The following BRME1 variants were observed in gnomAD, a reference collection of about 807,000 sequenced individuals.
BRME1 encodes break repair meiotic recombinase recruitment factor 1, also known as BRCA2 and MEILB2-associating protein 1.
In BRME1, 31 loss-of-function variants were observed where a neutral mutation model predicts 52.6. The observed-to-expected ratio is 0.59, with a 90% CI of 0.44 to 0.80. The LOEUF is 0.80. BRME1 is among the 30% of genes least tolerant of loss of function. The pLI is 0.00. For missense variants in BRME1, 804 were observed against 860.3 expected, an observed-to-expected ratio of 0.93 and a Z score of 0.82; for synonymous variants, 359 against 353.6, an observed-to-expected ratio of 1.02 and a Z score of -0.17.
chr19:13,892,438 T>C (rs146108331), intron 5 of BRME1, among the ~76,000 whole-genome samples: 3 of 151,678 alleles, frequency 2.0e-5, no homozygotes, highest in Non-Finnish European at 4.4e-5. Flanking sequence ...ATACAAAAAT[T>C]AGCTGGGCGC....
At chr19:13,899,736 C>T (rs1970168288) in intron 2 of BRME1, among the ~76,000 whole-genome samples, 1 of 152,162 alleles carries the variant, frequency 6.6e-6, no homozygotes, top group African/African-American at 2.4e-5. Flanking sequence ...TGCAGTGGCT[C>T]ATGCCTGTAA....
Position 13,883,416 on chromosome 19 carries a change from G to T in BRME1, c.1764-16C>A. The T allele has an allele frequency of 6.6e-7, 1 of 1,525,896 alleles. No individual in the cohort carries two copies. The highest frequency in any genetic ancestry group is 1.7e-4 in the Middle Eastern group (1 of 5,952). 94.5% of individuals were successfully genotyped at this position (1,525,896 alleles called of 1,614,324 possible). On this transcript the variant is annotated splice_polypyrimidine_tract_variant and intron_variant, in intron 7 of 8. Transcript: ENST00000586783. The surrounding 1 kb of genome is among the most constrained non-coding windows in gnomAD (Gnocchi z 4.2). Reference sequence around the variant, plus strand: ...CACGAAGGTCCTGGCCAGCAGGGAAGGAAATTGAGAGTGGCCCGACCTCAC... The same window carrying T: ...CACGAAGGTCCTGGCCAGCAGGGAATGAAATTGAGAGTGGCCCGACCTCAC...
In BRME1 at chr19:13,882,756, G is replaced by A. The variant is rs377538097; in HGVS notation, c.*46C>T. The stretch of plus-strand genomic sequence containing the variant: ...CTGGAGCATCTTGGAGGAGGTCTGC[G>A]GACATGGGGGCTGGGTGGCAAAGGA... On this transcript the variant is annotated 3_prime_UTR_variant, in exon 9 of 9. Transcript: ENST00000586783. 4.2e-4 allele frequency: 679 copies of A among 1,609,748 alleles called. 1 individual carries two copies. The highest frequency in any genetic ancestry group is 8.9e-4 in the East Asian group (40 of 44,872).
At chr19:13,900,432 C>G (rs1970219033) in intron 2 of BRME1, among the ~76,000 whole-genome samples, 1 of 152,288 alleles carries the variant, frequency 6.6e-6, no homozygotes, top group South Asian at 2.1e-4. Flanking sequence ...CAGCTTCCCC[C>G]TCCAAGGTCA....
chr19:13,899,139 C>A (rs551918012), intron 2 of BRME1, among the ~76,000 whole-genome samples: 99 of 128,746 alleles, frequency 7.7e-4, no homozygotes, highest in African/African-American at 3.0e-3. Flanking sequence ...GCTTCTAATT[C>A]TTCTTCTTCT....
At chr19:13,893,278 CCTGTAATTGCAGCA>C in intron 3 of BRME1, 55 bp from the exon 4 acceptor site, 1 of 1,465,616 alleles carries the variant, frequency 6.8e-7, no homozygotes, top group East Asian at 2.5e-5. Context: ...GTGGCTCACA[CCTGTAATTGCAGCA>C]CTTTGGGCGG....
At chr19:13,891,966 G>C (rs1379592201) in intron 5 of BRME1, among the ~76,000 whole-genome samples, 1 of 151,952 alleles carries the variant, frequency 6.6e-6, no homozygotes, top group East Asian at 2.0e-4. Flanking sequence ...CCAGCTACTG[G>C]GGAGGCTGAG....
Position 13,890,036 on chromosome 19 carries a change from C to G in BRME1, c.820G>C (p.Asp274His). 1 of 1,613,478 alleles carries G rather than the reference C, an allele frequency of 6.2e-7. No individual in the cohort carries two copies. The highest frequency in any genetic ancestry group is 1.1e-5 in the South Asian group (1 of 91,080). ...GLPGGPQEEG[D>H]GVPCTPASAP... is the part of the protein sequence containing the mutation. The stretch of plus-strand genomic sequence containing the variant: ...GATGCTGGGGTACAGGGGACACCGT[C>G]TCCCTCCTCCTGGGGCCCTCCAGGC... The change falls in exon 6 of 9, where the codon GAC (aspartate) becomes CAC (histidine). Residue 274 changes from aspartate to histidine, a missense_variant. By Grantham distance (81) the Asp-to-His change is moderately conservative (BLOSUM62 -1). Coordinates refer to ENST00000586783, the MANE Select transcript of BRME1 (RefSeq NM_001345843.2).
Position 13,897,722 on chromosome 19 carries a change from C to G in BRME1, c.32-2176G>C, listed in dbSNP as rs373606014. ...CTAAAAAGTACGAAAATTAGCCAAA[C>G]ATGGTGGTGCATGCCTGCAGTCCCA... On this transcript the variant is annotated intron_variant, in intron 2 of 8. Transcript: ENST00000586783. 3.6e-4 allele frequency among the ~76,000 whole-genome samples: 55 copies of G among 151,922 alleles called. 1 individual carries two copies. Among genetic ancestry groups the G allele is most frequent in the African/African-American group, 1.1e-3 (46 of 41,420 alleles).
Position 13,890,453 on chromosome 19 carries a change from C to T in BRME1, c.403G>A (p.Ala135Thr), listed in dbSNP as rs563035616. ...GSGAFSLETI[A>T]ESSAQSPGCQ... is the part of the protein sequence containing the mutation. ...CCTGGACTCTGGGCGCTGGACTCTGCGATTGTTTCCTGTGGACAGAAAAAG... is the reference window on the plus strand; with the variant it reads ...CCTGGACTCTGGGCGCTGGACTCTGTGATTGTTTCCTGTGGACAGAAAAAG... Residue 135 changes from alanine to threonine, a missense_variant, in exon 6 of 9, where the codon GCA becomes ACA. By Grantham distance (58) the Ala-to-Thr change is moderately conservative (BLOSUM62 0). Transcript: ENST00000586783. The T allele has an allele frequency of 2.3e-5, 34 of 1,493,976 alleles. No homozygotes were observed. In the South Asian group the frequency reaches 4.0e-4, roughly 18 times the overall value. The allele number at this position is 1,493,976 out of a possible 1,614,324, so 92.5% of individuals were successfully genotyped here.
intron 4 of BRME1, 92 bp from the exon 5 acceptor site, chr19:13,892,982 GT>G: frequency 1.4e-6 from 2 of 1,393,654 alleles, no homozygotes; most frequent in Non-Finnish European, 2.0e-6. Context: ...CTCCTTTCTT[GT>G]AGCCTTGAGA....
Position 13,883,987 on chromosome 19 carries a change from C to G in BRME1, c.1764-587G>C, listed in dbSNP as rs974477981. ...TGCTGTCTCTCATGTCCCCACACCC[C>G]GAATCCCCCAGTAGCATTCAACTCT... On this transcript the variant is annotated intron_variant, in intron 7 of 8. Transcript: ENST00000586783. The surrounding 1 kb of genome is among the most constrained non-coding windows in gnomAD (Gnocchi z 4.2). Among the ~76,000 whole-genome samples, 2 of 152,112 alleles carry G rather than the reference C, an allele frequency of 1.3e-5. No homozygotes were observed. Among genetic ancestry groups the G allele is most frequent in the Admixed American group, 6.6e-5 (1 of 15,252 alleles).
rs1195994333 is a variant in BRME1 at position 13,889,672 on chromosome 19, G to T, written c.1184C>A (p.Thr395Lys). 17 of 1,610,610 alleles carry T rather than the reference G, an allele frequency of 1.1e-5. No individual in the cohort carries two copies. The highest frequency in any genetic ancestry group is 1.4e-5 in the Non-Finnish European group (17 of 1,178,830). ...CTGCCCTGCCTCCCCACTTTCTCCT[G>T]TGGTTTCCCCAGTGAGCGAGGTGCA... ...PGCTSLTGET[T>K]GESGEAGQDG... Residue 395 changes from threonine (T) to lysine (K), a missense_variant, in exon 6 of 9, where the codon ACA (threonine) becomes AAA (lysine). This residue lies in a region of BRME1 where 552 missense variants were observed against 561.1 expected (regional missense o/e 0.98). Coordinates refer to ENST00000586783, the MANE Select transcript of BRME1 (RefSeq NM_001345843.2).
In BRME1 at chr19:13,882,865, CA is replaced by C. The variant is rs1568369008; in HGVS notation, c.1943del (p.Leu648ArgfsTer25). Reference protein sequence around the residue: ...RKTKLGGKAPLPYPSKGPGNI... With the variant: ...RKTKLGGKAPXPYPSKGPGNI... Reference sequence around the variant, plus strand: ...TCCCAGGCCCCTTGGAAGGGTAAGGCAGGGGGGCTTTGCCTCCCAGCTTTGT... The same window carrying C: ...TCCCAGGCCCCTTGGAAGGGTAAGGCGGGGGGCTTTGCCTCCCAGCTTTGT... On this transcript the variant is annotated frameshift_variant, in exon 9 of 9. Transcript: ENST00000586783. LOFTEE classifies it low-confidence loss of function (END_TRUNC). 1.2e-6 allele frequency: 2 copies of C among 1,614,016 alleles called. No individual in the cohort carries two copies. Among genetic ancestry groups the C allele is most frequent in the Non-Finnish European group, 1.7e-6 (2 of 1,179,988 alleles).
At position 13,889,674 on chromosome 19, in the gene BRME1, G is replaced by T; in HGVS notation, c.1182C>A (p.Thr394=). 1 of 1,610,508 alleles carries T rather than the reference G, an allele frequency of 6.2e-7. No individual in the cohort carries two copies. The highest frequency in any genetic ancestry group is 8.5e-7 in the Non-Finnish European group (1 of 1,178,828). ...GCCCTGCCTCCCCACTTTCTCCTGTGGTTTCCCCAGTGAGCGAGGTGCAGC... is the reference window on the plus strand; with the variant it reads ...GCCCTGCCTCCCCACTTTCTCCTGTTGTTTCCCCAGTGAGCGAGGTGCAGC... ...LPGCTSLTGE[T]TGESGEAGQD... Residue 394 remains threonine, a synonymous_variant, in exon 6 of 9, where the codon ACC becomes ACA. Coordinates refer to ENST00000586783, the MANE Select transcript of BRME1 (RefSeq NM_001345843.2).
In BRME1 at chr19:13,882,930, G is replaced by C. The variant is rs748287311; in HGVS notation, c.1879C>G (p.Arg627Gly). 1.2e-6 allele frequency: 2 copies of C among 1,613,400 alleles called. No individual in the cohort carries two copies. The highest frequency in any genetic ancestry group is 2.7e-5 in the African/African-American group (2 of 74,850). ...AGGCGCTTGAAAGCTTCCAGGTCCC[G>C]GTGGGTGCCCATGATCAGCCGGCTG... ...NLNRLIMGTH[R>G]DLEAFKRLNY... Residue 627 changes from arginine (R) to glycine (G), a missense_variant, in exon 9 of 9, where the codon CGG (arginine) becomes GGG (glycine). Transcript: ENST00000586783.
intron 2 of BRME1, among the ~76,000 whole-genome samples, chr19:13,903,673 C>CA (rs35662610): frequency 0.29 from 37,183 of 126,944 alleles, 6,331 homozygotes; most frequent in African/African-American, 0.52. Context: ...ACTTGGTCTC[C>CA]AAAAAAAAAA....
chr19:13,892,071 C>CA (rs575433126), intron 5 of BRME1, among the ~76,000 whole-genome samples: 45,209 of 135,768 alleles, frequency 0.33, 9,144 homozygotes, highest in African/African-American at 0.6. Flanking sequence ...GACTCCATCT[C>CA]AAAAAAAAAA....
chr19:13,887,072 C>G (rs1057476817), intron 6 of BRME1, among the ~76,000 whole-genome samples: 1 of 152,248 alleles, frequency 6.6e-6, no homozygotes, highest in East Asian at 1.9e-4. Context: ...CCTCCCATGA[C>G]GAGACCTTGG....
Sources: gnomAD v4.1 joint callset for allele counts (sites outside exome capture counted in the v4.1 genomes callset) on GRCh38, gnomAD v4.1.1 for gene constraint, gnomAD v4.1.1 regional missense constraint, Gnocchi (gnomAD v3.1) non-coding constraint, MANE v1.5 for transcripts, NCBI Gene and HGNC (gene_info 2026-07-23, HGNC 2026-07-21) for gene names.